TAS2R1: variants seen among roughly 807,000 people sequenced by gnomAD.
TAS2R1 encodes taste receptor type 2 member 1.
For missense variants in TAS2R1, 370 were observed against 353.4 expected (o/e 1.05, Z -0.38); for synonymous variants, 141 against 134.2 (o/e 1.05, Z -0.35).
At chr5:9,878,792 G>A in the TAS2R1 span, among the ~76,000 whole-genome samples, 5 of 152,202 alleles carry the variant, frequency 3.3e-5, no homozygotes, top group Non-Finnish European at 2.9e-5. Context: ...AAACTGTGTG[G>A]ATGTTGTAGG....
the TAS2R1 span, among the ~76,000 whole-genome samples, chr5:9,741,203 C>T: frequency 6.6e-6 from 1 of 152,142 alleles, no homozygotes; most frequent in African/African-American, 2.4e-5. Flanking sequence ...CAATCACACC[C>T]TCCTTTAGAG....
At chr5:9,750,009 T>C in the TAS2R1 span, among the ~76,000 whole-genome samples, 1 of 152,326 alleles carries the variant, frequency 6.6e-6, no homozygotes, top group East Asian at 1.9e-4. Flanking sequence ...CTGATTTTGG[T>C]TGCAGGAGGC....
At chr5:9,674,356 A>T (rs1195431234) in intron 1 of TAS2R1, among the ~76,000 whole-genome samples, 1 of 152,218 alleles carries the variant, frequency 6.6e-6, no homozygotes, top group Non-Finnish European at 1.5e-5. Flanking sequence ...CTTAAGAAAC[A>T]AATAAGTACA....
chr5:9,660,863 A>G (rs1740518882), intron 1 of TAS2R1, among the ~76,000 whole-genome samples: 1 of 152,214 alleles, frequency 6.6e-6, no homozygotes, highest in Admixed American at 6.5e-5. Flanking sequence ...TAGGAACCAC[A>G]TGCAAGGATC....
At chr5:9,748,211 A>ATAGG in the TAS2R1 span, among the ~76,000 whole-genome samples, 1 of 152,278 alleles carries the variant, frequency 6.6e-6, no homozygotes, top group South Asian at 2.1e-4. Flanking sequence ...ATGTGGTACC[A>ATAGG]TCTCTGCATA....
Position 9,629,661 on chromosome 5 carries a change from C to A in TAS2R1, c.372G>T (p.Lys124Asn), listed in dbSNP as rs536675970. 15 of 1,614,128 alleles carry A rather than the reference C, an allele frequency of 9.3e-6. No individual in the cohort carries two copies. The South Asian group carries it at 1.6e-4, about 18-fold the overall frequency. Residue 124 changes from lysine to asparagine, a missense_variant, in exon 1 of 1, where the codon AAG becomes AAT. Transcript: ENST00000382492. ...ACCCCAGGATCATCCATGGGACCAGCTTGGATATCCTCATCTTCAACCAGA... is the reference window on the plus strand; with the variant it reads ...ACCCCAGGATCATCCATGGGACCAGATTGGATATCCTCATCTTCAACCAGA... ...LFIWLKMRIS[K>N]LVPWMILGSL...
chr5:9,748,806 G>A, the TAS2R1 span, among the ~76,000 whole-genome samples: 7,950 of 152,006 alleles, frequency 0.052, 265 homozygotes, highest in East Asian at 0.15. Flanking sequence ...AGTTTGGAGG[G>A]GACAAATATC....
chr5:9,713,163 T>C (rs1734730504), upstream of TAS2R1: 1 of 152,138 alleles, frequency 6.6e-6, no homozygotes, highest in South Asian at 2.1e-4. Context: ...ACACATTAAG[T>C]TGGAACATGA....
chr5:9,871,369 C>T, the TAS2R1 span, among the ~76,000 whole-genome samples: 5 of 152,156 alleles, frequency 3.3e-5, no homozygotes, highest in African/African-American at 1.2e-4. Context: ...TTCATATAAG[C>T]ATCATATTTT....
chr5:9,636,280 T>G (rs1739963302), intron 2 of TAS2R1, among the ~76,000 whole-genome samples: 1 of 152,172 alleles, frequency 6.6e-6, no homozygotes, highest in Non-Finnish European at 1.5e-5. Context: ...TCCAGTTTTA[T>G]TTCACTGTAG....
chr5:9,865,797 G>A, the TAS2R1 span, among the ~76,000 whole-genome samples: 1 of 152,166 alleles, frequency 6.6e-6, no homozygotes, highest in African/African-American at 2.4e-5. Context: ...AAAGTCATCT[G>A]CCTTTTCAAC....
chr5:9,903,222 ATAAG>A, the TAS2R1 span, among the ~76,000 whole-genome samples: 2 of 152,046 alleles, frequency 1.3e-5, no homozygotes, highest in African/African-American at 4.8e-5. Context: ...CCCCACCTCT[ATAAG>A]TAAGTGAAAA....
chr5:9,873,201 C>G, the TAS2R1 span, among the ~76,000 whole-genome samples: 807 of 152,282 alleles, frequency 5.3e-3, 11 homozygotes, highest in African/African-American at 0.018. Flanking sequence ...CTGCACTAGG[C>G]TGGCGCTGTC....
intron 2 of TAS2R1, among the ~76,000 whole-genome samples, chr5:9,650,178 T>C (rs966547091): frequency 4.0e-4 from 61 of 152,286 alleles, no homozygotes; most frequent in African/African-American, 1.4e-3. Flanking sequence ...TATTCTAAGA[T>C]GATAGAAAAC....
At chr5:9,643,009 C>T (rs1007848069) in intron 2 of TAS2R1, among the ~76,000 whole-genome samples, 2 of 151,752 alleles carry the variant, frequency 1.3e-5, no homozygotes, top group Non-Finnish European at 2.9e-5. Context: ...TCCTTTCTTT[C>T]CTTTTTCCTT....
At chr5:9,697,187 A>G (rs1045152061) in intron 1 of TAS2R1, among the ~76,000 whole-genome samples, 2 of 152,138 alleles carry the variant, frequency 1.3e-5, no homozygotes, top group Admixed American at 1.3e-4. Context: ...TTAAAAAAAA[A>G]GACAACCTCT....
At chr5:9,844,242 A>T in the TAS2R1 span, among the ~76,000 whole-genome samples, 37 of 152,202 alleles carry the variant, frequency 2.4e-4, no homozygotes, top group Admixed American at 2.4e-3. Context: ...GCCTCTTCCC[A>T]GATTAAAACC....
intron 1 of TAS2R1, among the ~76,000 whole-genome samples, chr5:9,705,724 G>T (rs775839558): frequency 6.6e-6 from 1 of 152,158 alleles, no homozygotes; most frequent in Non-Finnish European, 1.5e-5. Context: ...GCCGGGCATC[G>T]TGGTGCATGT....
intron 1 of TAS2R1, among the ~76,000 whole-genome samples, chr5:9,673,397 A>T (rs1015520498): frequency 6.6e-6 from 1 of 152,194 alleles, no homozygotes; most frequent in African/African-American, 2.4e-5. Context: ...GAGATACAAC[A>T]AAGCCTGTGT....
Sources: gnomAD v4.1 joint callset for allele counts (sites outside exome capture counted in the v4.1 genomes callset) on GRCh38, gnomAD v4.1.1 for gene constraint, MANE v1.5 for transcripts, NCBI Gene and HGNC (gene_info 2026-07-23, HGNC 2026-07-21) for gene names.